FBXW7: variants seen among roughly 807,000 people sequenced by gnomAD.
FBXW7 encodes the protein F-box/WD repeat-containing protein 7.
Under a neutral mutation model 86.3 loss-of-function variants are expected in FBXW7, and 11 were observed. That is an observed-to-expected ratio of 0.13 (90% CI 0.08 to 0.21). The LOEUF is 0.21. Ranked by LOEUF, FBXW7 falls within the 10% of genes least tolerant of loss-of-function variation. The pLI is 1.00. For missense variants in FBXW7, 488 were observed against 847.4 expected (o/e 0.58, Z 5.27); for synonymous variants, 313 against 297.9 (o/e 1.05, Z -0.52).
At chr4:152,338,684 C>T (rs1406441756) in intron 6 of FBXW7, among the ~76,000 whole-genome samples, 1 of 152,040 alleles carries the variant, frequency 6.6e-6, no homozygotes, top group African/African-American at 2.4e-5. Context: ...CAGTGAAGAA[C>T]ACCTGCACAG....
chr4:152,393,545 T>G (rs1736168893), intron 4 of FBXW7, among the ~76,000 whole-genome samples: 1 of 152,118 alleles, frequency 6.6e-6, no homozygotes, highest in South Asian at 2.1e-4. Context: ...TTTCACTCAT[T>G]AAACCCTAAG....
At chr4:152,428,515 G>C (rs1412818181) in intron 2 of FBXW7, among the ~76,000 whole-genome samples, 1 of 152,206 alleles carries the variant, frequency 6.6e-6, no homozygotes, top group East Asian at 1.9e-4. Context: ...TTCAGAAAGA[G>C]AGATTCAAGG....
At chr4:152,505,396 T>C (rs566566849) in intron 2 of FBXW7, among the ~76,000 whole-genome samples, 102 of 152,342 alleles carry the variant, frequency 6.7e-4, no homozygotes, top group Non-Finnish European at 1.3e-3. Context: ...ACGTTTTTAC[T>C]TTATGAACGT....
intron 2 of FBXW7, among the ~76,000 whole-genome samples, chr4:152,421,034 T>A (rs552097634): frequency 1.3e-5 from 2 of 152,160 alleles, no homozygotes; most frequent in South Asian, 4.1e-4. Context: ...TTCATCTACA[T>A]TGAAAATCTT....
chr4:152,354,590 C>T (rs554908896), intron 4 of FBXW7, among the ~76,000 whole-genome samples: 2 of 152,202 alleles, frequency 1.3e-5, no homozygotes, highest in African/African-American at 4.8e-5. Context: ...GTTGAACTAA[C>T]CTTTTCAAAT....
intron 2 of FBXW7, among the ~76,000 whole-genome samples, chr4:152,501,987 T>A (rs1036410004): frequency 2.0e-5 from 3 of 152,288 alleles, no homozygotes; most frequent in Non-Finnish European, 2.9e-5. Flanking sequence ...TCTAAGTAGC[T>A]CTTTCTAGGG....
chr4:152,399,324 C>T (rs1189133135), intron 4 of FBXW7, among the ~76,000 whole-genome samples: 2 of 152,148 alleles, frequency 1.3e-5, no homozygotes, highest in Non-Finnish European at 2.9e-5. Context: ...ACTTTCTCAA[C>T]TTGATAAAGA....
chr4:152,521,809 ATTTTTTTTTTTTTTTT>A (rs575881137), intron 2 of FBXW7, among the ~76,000 whole-genome samples: 1 of 100,694 alleles, frequency 9.9e-6, no homozygotes, highest in Non-Finnish European at 1.9e-5. Flanking sequence ...TAAGGGTCCA[ATTTTTTTTTTTTTTTT>A]TTTTTTTTTT....
At chr4:152,408,545 G>A (rs1186893097) in intron 4 of FBXW7, among the ~76,000 whole-genome samples, 1 of 152,162 alleles carries the variant, frequency 6.6e-6, no homozygotes, top group Non-Finnish European at 1.5e-5. Context: ...TTAGCCTTGA[G>A]CTGTAAAATC....
chr4:152,386,367 T>C (rs1294055405), intron 4 of FBXW7, among the ~76,000 whole-genome samples: 2 of 152,078 alleles, frequency 1.3e-5, no homozygotes, highest in East Asian at 3.9e-4. Flanking sequence ...ATAGGACTGT[T>C]GTGAGGATTA....
intron 4 of FBXW7, among the ~76,000 whole-genome samples, chr4:152,371,458 C>T (rs562800406): frequency 1.6e-4 from 24 of 152,006 alleles, no homozygotes; most frequent in Non-Finnish European, 3.1e-4. Context: ...TAATATTTTG[C>T]TTGTAATAGA....
At position 152,322,448 on chromosome 4, in the gene FBXW7, A is replaced by G. The variant is rs1728631509; in HGVS notation, c.*433T>C. ...CAGATGCTCTCTAATTAGAAAGTCA[A>G]CCAGTACTTGTTTTGATATTATTGC... On this transcript the variant is annotated 3_prime_UTR_variant, in exon 14 of 14. Coordinates refer to ENST00000281708, the MANE Select transcript of FBXW7 (RefSeq NM_001349798.2). 1.3e-5 allele frequency: 3 copies of G among 237,584 alleles called. No individual in the cohort carries two copies. The East Asian group carries it at 1.8e-4, about 14-fold the overall frequency. The allele number at this position is 237,584 out of a possible 1,614,324, so 14.7% of individuals were successfully genotyped here. A position where few individuals can be genotyped will look rare whatever the true frequency, so the allele number is the denominator to read the frequency against.
intron 6 of FBXW7, among the ~76,000 whole-genome samples, chr4:152,344,004 A>C (rs1389644455): frequency 6.6e-6 from 1 of 152,154 alleles, no homozygotes; most frequent in African/African-American, 2.4e-5. Flanking sequence ...CTGCCTTAGG[A>C]GCAATAGCAG....
At chr4:152,491,413 T>C (rs1745845084) in intron 2 of FBXW7, among the ~76,000 whole-genome samples, 1 of 152,144 alleles carries the variant, frequency 6.6e-6, no homozygotes, top group Admixed American at 6.6e-5. Context: ...AGGTTGATAA[T>C]AGTTAAGCAA....
chr4:152,335,438 A>AG (rs1254390715), intron 7 of FBXW7, among the ~76,000 whole-genome samples: 2 of 152,172 alleles, frequency 1.3e-5, no homozygotes, highest in African/African-American at 4.8e-5. Flanking sequence ...ACTGCATCCC[A>AG]GCCTGGGCAA....
chr4:152,344,024 G>C (rs1350725751), intron 6 of FBXW7, among the ~76,000 whole-genome samples: 1 of 152,050 alleles, frequency 6.6e-6, no homozygotes. Flanking sequence ...GAACAGTAAG[G>C]GGACAAGCTC....
At chr4:152,421,816 G>A (rs955212927) in intron 2 of FBXW7, among the ~76,000 whole-genome samples, 1 of 152,150 alleles carries the variant, frequency 6.6e-6, no homozygotes, top group Non-Finnish European at 1.5e-5. Flanking sequence ...CAGCTGGTTG[G>A]TGGAGTGGTC....
chr4:152,382,361 T>TA lies in FBXW7; in HGVS notation c.501+28941dup, dbSNP rs1735162962. ...TTTAAAACTCCTCTTGGTTGACGAA[T>TA]ACTCTCTACATGTAATACAGGCACA... On this transcript the variant is annotated intron_variant, in intron 4 of 13. Coordinates refer to ENST00000281708, the MANE Select transcript of FBXW7 (RefSeq NM_001349798.2). The TA allele has an allele frequency of 6.5e-6, 10 of 1,548,064 alleles. No homozygotes were observed. The East Asian group carries it at 2.3e-4, about 36-fold the overall frequency.
chr4:152,337,688 T>G, intron 7 of FBXW7, 114 bp downstream of exon 7: 1 of 1,073,890 alleles, frequency 9.3e-7, no homozygotes, highest in Non-Finnish European at 1.3e-6. Context: ...TAATTAAGAG[T>G]GTCAAACTGA....
Sources: gnomAD v4.1 joint callset for allele counts (sites outside exome capture counted in the v4.1 genomes callset) on GRCh38, gnomAD v4.1.1 for gene constraint, MANE v1.5 for transcripts, NCBI Gene and HGNC (gene_info 2026-07-23, HGNC 2026-07-21) for gene names.